The following ITGB4 variants were observed in gnomAD, a reference collection of about 807,000 sequenced individuals.
The protein encoded by ITGB4 is integrin beta-4.
In ITGB4, 159 loss-of-function variants were observed where a neutral mutation model predicts 207.6. That is an observed-to-expected ratio of 0.77 (90% confidence interval 0.67 to 0.87). The LOEUF (loss-of-function observed/expected upper bound fraction) is 0.87, where lower values mean the gene tolerates loss of function less well. Among genes scored for constraint, ITGB4 ranks in the 40% least tolerant of loss-of-function variants. The probability of loss-of-function intolerance (pLI) is 0.00; values close to 1 mark genes in which losing one functional copy is unlikely to be tolerated. For synonymous variants in ITGB4, 1,020 were observed against 1,062.7 expected, an observed-to-expected ratio of 0.96 and a Z score of 0.78; for missense variants, 2,278 against 2,546.8, an observed-to-expected ratio of 0.89 and a Z score of 2.27.
intron 16 of ITGB4, 42 bp from the exon 17 acceptor site, chr17:75,737,279 AG>A: frequency 6.4e-7 from 1 of 1,573,964 alleles, no homozygotes; most frequent in Non-Finnish European, 8.6e-7. Flanking sequence ...TCTGGGGCGG[AG>A]GGGTGTGGCT....
chr17:75,751,916 T>A lies in ITGB4; in HGVS notation c.3794-258T>A, dbSNP rs1449046235. The A allele has an allele frequency of 9.0e-6, 5 of 554,530 alleles. No homozygotes were observed. The East Asian group carries it at 1.6e-4, about 18-fold the overall frequency. 34.4% of individuals were successfully genotyped at this position (554,530 alleles called of 1,614,324 possible). On this transcript the variant is annotated intron_variant, in intron 30 of 39. Coordinates refer to ENST00000200181, the MANE Select transcript of ITGB4 (RefSeq NM_000213.5). ...CGTGGATATATGGGTAGAGGTGACA[T>A]CGAGGCCAACTTGAGTCCAGCCCTG...
chr17:75,752,390 G>A lies in ITGB4; in HGVS notation c.3976+34G>A, dbSNP rs374575363. 1.8e-5 allele frequency: 29 copies of A among 1,612,618 alleles called. No individual in the cohort carries two copies. In the Middle Eastern group the frequency reaches 5.0e-4, roughly 28 times the overall value. On this transcript the variant is annotated intron_variant, in intron 31 of 39. Coordinates refer to ENST00000200181, the MANE Select transcript of ITGB4 (RefSeq NM_000213.5). The stretch of plus-strand genomic sequence containing the variant: ...TGGGCAGGGAGGTGAGGGGCAGACC[G>A]GGCAGGGGGGCAGGGGGCAGCAGCC...
rs955037534 is a variant in ITGB4 at position 75,757,192 on chromosome 17, C to G, written c.5219-8C>G. On this transcript the variant is annotated splice_polypyrimidine_tract_variant and splice_region_variant and intron_variant, in intron 38 of 39. Coordinates refer to ENST00000200181, the MANE Select transcript of ITGB4 (RefSeq NM_000213.5). ...CCACCCTCTGACTGGCCTATCTGCCCACCCCAGGACCCTTCCCGCAGCTGG... is the reference window on the plus strand; with the variant it reads ...CCACCCTCTGACTGGCCTATCTGCCGACCCCAGGACCCTTCCCGCAGCTGG... The G allele has an allele frequency of 6.2e-7, 1 of 1,612,276 alleles. No homozygotes were observed. The highest frequency in any genetic ancestry group is 8.5e-7 in the Non-Finnish European group (1 of 1,179,922).
chr17:75,754,266 G>A (rs772747946), intron 33 of ITGB4, among the ~76,000 whole-genome samples: 1 of 152,188 alleles, frequency 6.6e-6, no homozygotes, highest in Non-Finnish European at 1.5e-5. Flanking sequence ...AAGGACAGGA[G>A]GGAAGGCTTG....
At chr17:75,752,074 G>A in intron 30 of ITGB4, 100 bp from the exon 31 acceptor site, 1 of 1,292,158 alleles carries the variant, frequency 7.7e-7, no homozygotes, top group Non-Finnish European at 1.1e-6. Flanking sequence ...CAGCCCCTGG[G>A]TGCCATCCAG....
At position 75,740,989 on chromosome 17, in the gene ITGB4, C is replaced by A. The variant is rs1267359095; in HGVS notation, c.2617C>A (p.Pro873Thr). 6.2e-7 allele frequency: 1 copy of A among 1,613,884 alleles called. No homozygotes were observed. Among genetic ancestry groups the A allele is most frequent in the Admixed American group, 1.7e-5 (1 of 60,024 alleles). ...KLQQTKFRQQ[P>T]NAGKKQDHTI... ...CCCTCTTTGTCCCCACAGGCAGCAGCCCAATGCCGGGAAAAAGTGAGTAGA... is the reference window on the plus strand; with the variant it reads ...CCCTCTTTGTCCCCACAGGCAGCAGACCAATGCCGGGAAAAAGTGAGTAGA... The change falls in exon 23 of 40, where the codon CCC becomes ACC. Residue 873 changes from proline to threonine, a missense_variant. Pro to Thr is a conservative substitution (Grantham distance 38, BLOSUM62 -1). Coordinates refer to ENST00000200181, the MANE Select transcript of ITGB4 (RefSeq NM_000213.5). The surrounding 1 kb of genome is among the most constrained non-coding windows in gnomAD (Gnocchi z 5.9).
intron 39 of ITGB4, 36 bp from the exon 40 acceptor site, chr17:75,757,380 C>A (rs201274568): frequency 2.4e-5 from 39 of 1,612,878 alleles, no homozygotes; most frequent in Non-Finnish European, 3.1e-5. Context: ...AAGGGCAGAC[C>A]CCAAGCCAGG....
chr17:75,730,108 G>A, intron 7 of ITGB4, 133 bp from the exon 8 acceptor site: 2 of 1,156,976 alleles, frequency 1.7e-6, no homozygotes, highest in Non-Finnish European at 2.5e-6. Flanking sequence ...TCTTTCATGA[G>A]GGCACTTGCT....
rs766165249 is a variant in ITGB4 at position 75,750,796 on chromosome 17, C to T, written c.3591C>T (p.Cys1197=). Residue 1197 remains cysteine (C), a synonymous_variant, in exon 29 of 40, where the codon TGC becomes TGT. Transcript: ENST00000200181. This position sits in a 1 kb window ranked among gnomAD's most constrained non-coding sequence, Gnocchi z 5.5. ...YPYCDYEMKV[C]AYGAQGEGPY... ...ATTGCGACTATGAGATGAAGGTGTG[C>T]GCCTACGGGGCTCAGGGCGAGGGAC... 23 of 1,613,522 alleles carry T rather than the reference C, an allele frequency of 1.4e-5. No individual in the cohort carries two copies. Among genetic ancestry groups the T allele is most frequent in the South Asian group, 6.6e-5 (6 of 91,092 alleles).
At chr17:75,744,021 C>T (rs1359379774) in intron 26 of ITGB4, among the ~76,000 whole-genome samples, 160 bp downstream of exon 26, 1 of 152,160 alleles carries the variant, frequency 6.6e-6, no homozygotes, top group African/African-American at 2.4e-5. Context: ...GCTCCTGCCA[C>T]CCTGTGGCAG....
At position 75,729,462 on chromosome 17, in the gene ITGB4, G is replaced by C. The variant is rs1200095928; in HGVS notation, c.738+26G>C. 1 of 1,611,182 alleles carries C rather than the reference G, an allele frequency of 6.2e-7. No individual in the cohort carries two copies. The highest frequency in any genetic ancestry group is 8.5e-7 in the Non-Finnish European group (1 of 1,178,636). ...GTGGGCACTGGGAAGGGTGCTGCCA[G>C]CCTAGGCCAGGGGTGAGCACTTCTG... On this transcript the variant is annotated intron_variant, in intron 7 of 39. Transcript: ENST00000200181. This position sits in a 1 kb window ranked among gnomAD's most constrained non-coding sequence, Gnocchi z 4.4.
At position 75,724,917 on chromosome 17, in the gene ITGB4, G is replaced by T. The variant is rs1445808695; in HGVS notation, c.79+135G>T. ...AGCAACTGACCACTGCCCACCTTCA[G>T]GGCTGGAAAACTTGAGGCTCCAAGC... On this transcript the variant is annotated intron_variant, in intron 2 of 39. Coordinates refer to ENST00000200181, the MANE Select transcript of ITGB4 (RefSeq NM_000213.5). 3.9e-6 allele frequency: 3 copies of T among 776,040 alleles called. No homozygotes were observed. The East Asian group carries it at 8.0e-5, about 21-fold the overall frequency. The allele number at this position is 776,040 out of a possible 1,614,324, so 48.1% of individuals were successfully genotyped here. A position where few individuals can be genotyped will look rare whatever the true frequency, so the allele number is the denominator to read the frequency against.
In ITGB4 at chr17:75,750,641, C is replaced by T; in HGVS notation, c.3475-39C>T. On this transcript the variant is annotated intron_variant, in intron 28 of 39. Coordinates refer to ENST00000200181, the MANE Select transcript of ITGB4 (RefSeq NM_000213.5). This position sits in a 1 kb window ranked among gnomAD's most constrained non-coding sequence, Gnocchi z 5.5. ...GAGGGACAGGCAGCTTGGGTGCCTG[C>T]TGCTCCCTGCTGACCAGGACCCCTG... The T allele has an allele frequency of 6.3e-7, 1 of 1,595,214 alleles. No individual in the cohort carries two copies. Among genetic ancestry groups the T allele is most frequent in the Non-Finnish European group, 8.6e-7 (1 of 1,165,838 alleles).
Position 75,742,639 on chromosome 17 carries a change from C to T in ITGB4, c.2840C>T (p.Pro947Leu). The change falls in exon 25 of 40, where the codon CCC becomes CTC. Residue 947 changes from proline (P) to leucine (L), a missense_variant. Transcript: ENST00000200181. This position sits in a 1 kb window ranked among gnomAD's most constrained non-coding sequence, Gnocchi z 5.9. ...EGVELVDVRVPLFIRPEDDDE... is the reference protein window; with the variant it reads ...EGVELVDVRVLLFIRPEDDDE... ...GTGGAGCTGGTGGACGTACGGGTGC[C>T]CCTCTTTATCCGGCCTGAGGATGAC... is the stretch of plus-strand genomic sequence containing the variant. 1 of 1,614,028 alleles carries T rather than the reference C, an allele frequency of 6.2e-7. No individual in the cohort carries two copies. Among genetic ancestry groups the T allele is most frequent in the Non-Finnish European group, 8.5e-7 (1 of 1,180,024 alleles).
chr17:75,727,132 G>T lies in ITGB4; in HGVS notation c.80-63G>T. The T allele has an allele frequency of 1.5e-6, 2 of 1,316,130 alleles. No individual in the cohort carries two copies. The highest frequency in any genetic ancestry group is 2.2e-6 in the Non-Finnish European group (2 of 915,896). The allele number at this position is 1,316,130 out of a possible 1,614,324, so 81.5% of individuals were successfully genotyped here. On this transcript the variant is annotated intron_variant, in intron 2 of 39. Transcript: ENST00000200181. The surrounding 1 kb of genome is among the most constrained non-coding windows in gnomAD (Gnocchi z 6.0). ...CCCATCTCTCCAGGTGAAGGTGCAGGTGGGAAAGTGCTTGCCTTTGCTGAG... is the reference window on the plus strand; with the variant it reads ...CCCATCTCTCCAGGTGAAGGTGCAGTTGGGAAAGTGCTTGCCTTTGCTGAG...
Position 75,753,858 on chromosome 17 carries a change from C to T in ITGB4, c.4202C>T (p.Ser1401Leu). ...CCCCCGGAGCTCATCCCGCGCCTGT[C>T]GGCCAGCAGCGGGCGCTCCTCCGAC... ...RLPPELIPRL[S>L]ASSGRSSDAE... The change falls in exon 33 of 40, where the codon TCG becomes TTG. Residue 1401 changes from serine to leucine, a missense_variant. By Grantham distance (145) the Ser-to-Leu change is moderately radical (BLOSUM62 -2). Coordinates refer to ENST00000200181, the MANE Select transcript of ITGB4 (RefSeq NM_000213.5). 1 of 1,373,004 alleles carries T rather than the reference C, an allele frequency of 7.3e-7. No homozygotes were observed. Among genetic ancestry groups the T allele is most frequent in the South Asian group, 1.8e-5 (1 of 54,970 alleles). The allele number at this position is 1,373,004 out of a possible 1,614,324, so 85.1% of individuals were successfully genotyped here. A position where few individuals can be genotyped will look rare whatever the true frequency, so the allele number is the denominator to read the frequency against.
In ITGB4 at chr17:75,757,109, T is replaced by C. The variant is rs780675808; in HGVS notation, c.5218+2T>C. ...TCACCATAGAGTCCCAGGATGGAGG[T>C]AGGCACCTGTCCTTTCCTTCACCCC... On this transcript the variant is annotated splice_donor_variant, in intron 38 of 39. Transcript: ENST00000200181. LOFTEE classifies it high-confidence loss of function. 6.8e-6 allele frequency: 11 copies of C among 1,611,898 alleles called. No homozygotes were observed. Among genetic ancestry groups the C allele is most frequent in the South Asian group, 4.4e-5 (4 of 91,014 alleles).
chr17:75,729,158 C>CAA lies in ITGB4; in HGVS notation c.567-91_567-90dup, dbSNP rs56375128. ...TGGGTGATAAAGCGAGACTTGGTCTCAAAAAAAAAAAAAAAAATTCTCCTT... is the reference window on the plus strand; with the variant it reads ...TGGGTGATAAAGCGAGACTTGGTCTCAAAAAAAAAAAAAAAAAAATTCTCCTT... On this transcript the variant is annotated intron_variant, in intron 6 of 39. Transcript: ENST00000200181. The surrounding 1 kb of genome is among the most constrained non-coding windows in gnomAD (Gnocchi z 4.4). 0.039 allele frequency: 30,437 copies of CAA among 785,076 alleles called. 1 individual carries two copies. Among genetic ancestry groups the CAA allele is most frequent in the Non-Finnish European group, 0.045 (23,878 of 533,978 alleles). 48.6% of individuals were successfully genotyped at this position (785,076 alleles called of 1,614,324 possible).
chr17:75,748,962 G>A lies in ITGB4; in HGVS notation c.3233G>A (p.Arg1078His), dbSNP rs374238776. Residue 1078 changes from arginine (R) to histidine (H), a missense_variant, in exon 27 of 40, where the codon CGT becomes CAT. By Grantham distance (29) the Arg-to-His change is conservative. Transcript: ENST00000200181. Reference sequence around the variant, plus strand: ...CTCCTGCGGGGCCGCCAGGTCCGCCGTTTCCACGTCCAGCTCAGCAACCCT... The same window carrying A: ...CTCCTGCGGGGCCGCCAGGTCCGCCATTTCCACGTCCAGCTCAGCAACCCT... ...DSLLRGRQVR[R>H]FHVQLSNPKF... 8 of 1,613,298 alleles carry A rather than the reference G, an allele frequency of 5.0e-6. No individual in the cohort carries two copies. The highest frequency in any genetic ancestry group is 4.0e-5 in the African/African-American group (3 of 74,926).
Sources: allele counts gnomAD v4.1 joint callset (sites outside exome capture counted in the v4.1 genomes callset), GRCh38; gene constraint gnomAD v4.1.1; non-coding constraint Gnocchi (gnomAD v3.1); transcripts MANE v1.5; gene names NCBI Gene and HGNC (gene_info 2026-07-23, HGNC 2026-07-21).